The following GRIK4 variants were observed in gnomAD, a reference collection of about 807,000 sequenced individuals.
GRIK4 encodes glutamate ionotropic receptor kainate type subunit 4.
GRIK4 carries 40 observed loss-of-function variants against 104.9 expected under a neutral mutation model. The ratio of observed to expected loss-of-function variants is 0.38; its 90% CI spans 0.30 to 0.50. The LOEUF is 0.50. Ranked by LOEUF, GRIK4 falls within the 20% of genes least tolerant of loss-of-function variation. The pLI is 0.93. For synonymous variants in GRIK4, 485 were observed against 524.9 expected (o/e 0.92, Z 1.04); for missense variants, 1,047 against 1,308.1 (o/e 0.80, Z 3.08).
chr11:120,630,564 AG>A (rs1193326741), intron 1 of GRIK4, among the ~76,000 whole-genome samples: 3 of 152,308 alleles, frequency 2.0e-5, no homozygotes, highest in African/African-American at 7.2e-5. Context: ...TCCTCTTTTA[AG>A]GGTGTTGGGC....
chr11:120,748,597 A>C (rs1651658534), intron 3 of GRIK4, among the ~76,000 whole-genome samples: 1 of 152,094 alleles, frequency 6.6e-6, no homozygotes, highest in South Asian at 2.1e-4. Flanking sequence ...AAGGAATGAA[A>C]CGTGCCTGTG....
At chr11:120,701,032 G>A (rs1352723999) in intron 3 of GRIK4, among the ~76,000 whole-genome samples, 1 of 152,200 alleles carries the variant, frequency 6.6e-6, no homozygotes, top group South Asian at 2.1e-4. Context: ...GCAATACGCT[G>A]TTTCATGTAG....
intron 3 of GRIK4, among the ~76,000 whole-genome samples, chr11:120,730,548 T>C (rs1951109537): frequency 6.6e-6 from 1 of 151,368 alleles, no homozygotes; most frequent in African/African-American, 2.4e-5. Context: ...TTGGCTATTC[T>C]GGGTCTTTTG....
chr11:120,965,964 T>C (rs1944376746), intron 18 of GRIK4, among the ~76,000 whole-genome samples: 1 of 152,210 alleles, frequency 6.6e-6, no homozygotes, highest in Non-Finnish European at 1.5e-5. Flanking sequence ...GCAAGGAAAC[T>C]GGGCAGCTTA....
chr11:120,564,692 T>A lies in GRIK4; in HGVS notation c.-159+52805T>A, dbSNP rs532633361. On this transcript the variant is annotated intron_variant, in intron 1 of 20. Coordinates refer to ENST00000527524, the MANE Select transcript of GRIK4 (RefSeq NM_014619.5). ...GCAGCGCCCGCGGCGGGAATACTAATGCACCCTAAAGGGCACGGCCGCCGC... is the reference window on the plus strand; with the variant it reads ...GCAGCGCCCGCGGCGGGAATACTAAAGCACCCTAAAGGGCACGGCCGCCGC... 1.1e-4 allele frequency: 17 copies of A among 152,414 alleles called. No homozygotes were observed. In the East Asian group the frequency reaches 3.3e-3, roughly 30 times the overall value. The allele number at this position is 152,414 out of a possible 1,614,324, so 9.4% of individuals were successfully genotyped here.
intron 3 of GRIK4, among the ~76,000 whole-genome samples, chr11:120,785,329 A>T (rs767568540): frequency 8.0e-4 from 122 of 152,312 alleles, no homozygotes; most frequent in Non-Finnish European, 1.4e-3. Flanking sequence ...AAGAGAACAC[A>T]TGGGGACTAT....
chr11:120,822,848 C>T (rs1381559138), intron 6 of GRIK4, among the ~76,000 whole-genome samples: 1 of 152,198 alleles, frequency 6.6e-6, no homozygotes, highest in Non-Finnish European at 1.5e-5. Context: ...GTGGCCAAAA[C>T]ATGTATTTGC....
chr11:120,602,922 C>G lies in GRIK4; in HGVS notation c.-158-50763C>G, dbSNP rs117483561. Among the ~76,000 whole-genome samples, 77 of 152,256 alleles carry G rather than the reference C, an allele frequency of 5.1e-4. No individual in the cohort carries two copies. The East Asian group carries it at 0.014, about 29-fold the overall frequency. On this transcript the variant is annotated intron_variant, in intron 1 of 20. Transcript: ENST00000527524. Reference sequence around the variant, plus strand: ...CTCACTATGTTGCCTAGGTTGGTCTCGAACTCCTGGCCTCAAACAGTCTTC... The same window carrying G: ...CTCACTATGTTGCCTAGGTTGGTCTGGAACTCCTGGCCTCAAACAGTCTTC...
chr11:120,898,583 G>A lies in GRIK4; in HGVS notation c.1216G>A (p.Ala406Thr). The change falls in exon 12 of 21, where the codon GCC becomes ACC. Residue 406 changes from alanine (A) to threonine (T), a missense_variant. Physicochemically the swap from Ala to Thr is moderately conservative, Grantham distance 58. Transcript: ENST00000527524. ...EGLSMDSHLY[A>T]SNISDTLFNT... ...CCTCAGCATGGACAGCCACCTCTATGCCTCCAACATCTCGGACACTCTCTT... is the reference window on the plus strand; with the variant it reads ...CCTCAGCATGGACAGCCACCTCTATACCTCCAACATCTCGGACACTCTCTT... The A allele has an allele frequency of 6.2e-7, 1 of 1,613,320 alleles. No homozygotes were observed. Among genetic ancestry groups the A allele is most frequent in the Non-Finnish European group, 8.5e-7 (1 of 1,179,254 alleles).
Position 120,952,940 on chromosome 11 carries a change from G to C in GRIK4, c.1676G>C (p.Ser559Thr). The change falls in exon 15 of 21, where the codon AGC becomes ACC. Residue 559 changes from serine to threonine, a missense_variant. Physicochemically the swap from Ser to Thr is moderately conservative, Grantham distance 58 (BLOSUM62 1). Around this residue, in one of 3 missense-constraint regions of GRIK4, gnomAD observed 440 missense variants for 652.3 expected, o/e 0.67. Transcript: ENST00000527524. This position sits in a 1 kb window ranked among gnomAD's most constrained non-coding sequence, Gnocchi z 5.2. ...LFMLLAYLAV[S>T]CVLFLVARLT... ...ATGCTTCTAGCCTATCTGGCCGTCA[G>C]CTGTGTCCTCTTCCTGGTGGCTCGG... is the stretch of plus-strand genomic sequence containing the variant. 6.2e-7 allele frequency: 1 copy of C among 1,613,074 alleles called. No individual in the cohort carries two copies. Among genetic ancestry groups the C allele is most frequent in the Non-Finnish European group, 8.5e-7 (1 of 1,179,228 alleles).
chr11:120,802,747 C>A lies in GRIK4; in HGVS notation c.137C>A (p.Thr46Asn). Residue 46 changes from threonine (T) to asparagine (N), a missense_variant, in exon 4 of 21, where the codon ACC becomes AAC. Transcript: ENST00000527524. ...AGCAGAGGGGAGCGGCTCTCCATCA[C>A]CCTGGCCAAGAACCGCATCAACCGC... ...ECSRGERLSI[T>N]LAKNRINRAP... 3 of 1,614,102 alleles carry A rather than the reference C, an allele frequency of 1.9e-6. No homozygotes were observed. The highest frequency in any genetic ancestry group is 2.5e-6 in the Non-Finnish European group (3 of 1,179,958).
intron 13 of GRIK4, among the ~76,000 whole-genome samples, chr11:120,913,568 C>A (rs1238080438): frequency 1.3e-5 from 2 of 151,736 alleles, no homozygotes; most frequent in South Asian, 2.1e-4. Flanking sequence ...GAACAAAGTA[C>A]CCCGTTGGCA....
intron 16 of GRIK4, among the ~76,000 whole-genome samples, chr11:120,958,039 C>A (rs183348042): frequency 6.6e-6 from 1 of 152,226 alleles, no homozygotes; most frequent in Non-Finnish European, 1.5e-5. Flanking sequence ...GAGGGATGGA[C>A]GATCTCAGCA....
Position 120,902,956 on chromosome 11 carries a change from C to T in GRIK4, c.1273-2334C>T, listed in dbSNP as rs561428951. On this transcript the variant is annotated intron_variant, in intron 12 of 20. Transcript: ENST00000527524. This position sits in a 1 kb window ranked among gnomAD's most constrained non-coding sequence, Gnocchi z 4.5. ...CGTCACCTTCCACTCAGAGCTCCCG[C>T]TCCCTGACACATGACCTTTGCCTTC... Among the ~76,000 whole-genome samples, 8 of 152,296 alleles carry T rather than the reference C, an allele frequency of 5.3e-5. No individual in the cohort carries two copies. The East Asian group carries it at 1.5e-3, about 29-fold the overall frequency.
chr11:120,535,728 T>C (rs1473733919), intron 1 of GRIK4, among the ~76,000 whole-genome samples: 5 of 152,312 alleles, frequency 3.3e-5, no homozygotes, highest in East Asian at 1.9e-4. Context: ...AGCACATTAG[T>C]ATTAGTATAG....
chr11:120,923,561 C>T (rs1943272652), intron 13 of GRIK4, among the ~76,000 whole-genome samples: 1 of 151,856 alleles, frequency 6.6e-6, no homozygotes, highest in Non-Finnish European at 1.5e-5. Flanking sequence ...TACAGGCACC[C>T]ACCACCACCC....
intron 3 of GRIK4, among the ~76,000 whole-genome samples, chr11:120,792,235 CGT>C (rs557044477): frequency 6.2e-4 from 92 of 149,448 alleles, no homozygotes; most frequent in South Asian, 1.5e-3. Context: ...GCAGCAGCAC[CGT>C]GTGTGTGTGT....
intron 1 of GRIK4, among the ~76,000 whole-genome samples, chr11:120,557,245 A>T (rs1948196635): frequency 6.6e-6 from 1 of 151,470 alleles, no homozygotes; most frequent in African/African-American, 2.4e-5. Context: ...CCCCCCGAGG[A>T]CTCTCGTGTT....
intron 19 of GRIK4, among the ~76,000 whole-genome samples, chr11:120,981,152 A>C (rs1230150758): frequency 6.6e-6 from 1 of 152,216 alleles, no homozygotes; most frequent in Non-Finnish European, 1.5e-5. Context: ...TTGTGGCCCC[A>C]GTTGAATCAG....
Sources: allele counts gnomAD v4.1 joint callset (sites outside exome capture counted in the v4.1 genomes callset), GRCh38; gene constraint gnomAD v4.1.1; regional missense constraint gnomAD v4.1.1; non-coding constraint Gnocchi (gnomAD v3.1); transcripts MANE v1.5; gene names NCBI Gene and HGNC (gene_info 2026-07-23, HGNC 2026-07-21).